The following CDYL variants were observed in gnomAD, a reference collection of about 807,000 sequenced individuals.
The protein encoded by CDYL is chromodomain Y like, also known as chromodomain Y-like protein.
In CDYL, 8 loss-of-function variants were observed where a neutral mutation model predicts 47.3. The observed-to-expected ratio is 0.17, with a 90% CI of 0.10 to 0.31. The LOEUF is 0.31. Ranked by LOEUF, CDYL falls within the 10% of genes least tolerant of loss-of-function variation. The pLI is 1.00. For synonymous variants in CDYL, 266 were observed against 265.0 expected (o/e 1.00, Z -0.04); for missense variants, 471 against 701.4 (o/e 0.67, Z 3.71).
intron 2 of CDYL, among the ~76,000 whole-genome samples, chr6:4,919,836 T>C (rs921081783): frequency 1.3e-5 from 2 of 152,212 alleles, no homozygotes; most frequent in Admixed American, 1.3e-4. Flanking sequence ...AATGACCACA[T>C]GATGCAGCGG....
At chr6:4,905,479 G>A (rs1357994226) in intron 2 of CDYL, among the ~76,000 whole-genome samples, 3 of 152,210 alleles carry the variant, frequency 2.0e-5, no homozygotes, top group Non-Finnish European at 1.5e-5. Flanking sequence ...CGTCTTTTCT[G>A]AAGTGGCATG....
chr6:4,775,650 G>A (rs1329750465), upstream of CDYL, among the ~76,000 whole-genome samples: 1 of 150,512 alleles, frequency 6.6e-6, no homozygotes, highest in Non-Finnish European at 1.5e-5. This position sits in a 1 kb window ranked among gnomAD's most constrained non-coding sequence, Gnocchi z 7.0. Context: ...CGCCGCGCCC[G>A]GCTCCCGCCC....
chr6:4,789,402 C>G (rs774063935), intron 1 of CDYL, among the ~76,000 whole-genome samples: 15 of 152,266 alleles, frequency 9.9e-5, no homozygotes, highest in Non-Finnish European at 1.8e-4. Flanking sequence ...CGCTTCTCTC[C>G]CCTAGTGGTG....
chr6:4,772,942 G>A, upstream of CDYL: 1 of 361,418 alleles, frequency 2.8e-6, no homozygotes, highest in South Asian at 2.1e-5. Flanking sequence ...TTCAAATGTA[G>A]ATGAAATGCA....
At chr6:4,931,045 A>G (rs1184190398) in intron 2 of CDYL, among the ~76,000 whole-genome samples, 1 of 152,166 alleles carries the variant, frequency 6.6e-6, no homozygotes, top group Non-Finnish European at 1.5e-5. Context: ...GGAGCTTACC[A>G]TCCCTGGCTT....
chr6:4,928,089 A>G (rs965627747), intron 2 of CDYL, among the ~76,000 whole-genome samples: 1 of 152,222 alleles, frequency 6.6e-6, no homozygotes, highest in Non-Finnish European at 1.5e-5. Context: ...CTAGTTAGGC[A>G]TATTTCACTC....
chr6:4,952,226 C>G, intron 5 of CDYL, 40 bp from the exon 6 acceptor site: 1 of 1,597,050 alleles, frequency 6.3e-7, no homozygotes, highest in Non-Finnish European at 8.6e-7. Flanking sequence ...CGCCCGCCTC[C>G]CACCGCAATT....
chr6:4,842,040 A>T (rs1291170369), intron 1 of CDYL, among the ~76,000 whole-genome samples: 2 of 144,690 alleles, frequency 1.4e-5, no homozygotes, highest in African/African-American at 5.0e-5. Context: ...TATATAATTT[A>T]TATATATTAT....
At chr6:4,829,689 G>T (rs905753347) in intron 1 of CDYL, among the ~76,000 whole-genome samples, 4 of 152,144 alleles carry the variant, frequency 2.6e-5, no homozygotes, top group African/African-American at 9.7e-5. Context: ...GTGTTTGTGG[G>T]TGTTAGTTTG....
Position 4,932,935 on chromosome 6 carries a change from C to T in CDYL, c.692-2580C>T, listed in dbSNP as rs74407430. 1.3e-4 allele frequency among the ~76,000 whole-genome samples: 20 copies of T among 152,282 alleles called. No homozygotes were observed. The East Asian group carries it at 2.7e-3, about 21-fold the overall frequency. On this transcript the variant is annotated intron_variant, in intron 2 of 6. Coordinates refer to ENST00000397588, the MANE Select transcript of CDYL (RefSeq NM_004824.4). ...CCTGTGGTCTGGCTTCCACTCTTCA[C>T]GCCATAGTGAAGCATTGCCCATGCT... is the stretch of plus-strand genomic sequence containing the variant.
intron 2 of CDYL, among the ~76,000 whole-genome samples, chr6:4,732,672 AAG>A (rs1491270944): frequency 5.2e-4 from 76 of 145,510 alleles, no homozygotes; most frequent in African/African-American, 1.3e-3. Flanking sequence ...TTTAAAAAAA[AAG>A]AGGGGGGGAT....
At chr6:4,880,018 C>A (rs1350659386) in intron 1 of CDYL, among the ~76,000 whole-genome samples, 1 of 152,214 alleles carries the variant, frequency 6.6e-6, no homozygotes, top group Admixed American at 6.5e-5. Context: ...ACAGCTGTTA[C>A]ACTTGATGCA....
intron 2 of CDYL, among the ~76,000 whole-genome samples, chr6:4,908,328 G>A (rs1757301331): frequency 6.6e-6 from 1 of 152,158 alleles, no homozygotes; most frequent in African/African-American, 2.4e-5. Flanking sequence ...GATGATCAGA[G>A]GGTGCGAGCA....
intron 3 of CDYL, among the ~76,000 whole-genome samples, chr6:4,763,025 GT>G (rs1176548273): frequency 1.3e-5 from 2 of 152,006 alleles, no homozygotes; most frequent in African/African-American, 4.8e-5. Flanking sequence ...AGAGAAAATG[GT>G]AAAAATAGCA....
chr6:4,773,466 G>A (rs1257471401), upstream of CDYL, among the ~76,000 whole-genome samples: 1 of 152,042 alleles, frequency 6.6e-6, no homozygotes, highest in Non-Finnish European at 1.5e-5. This position sits in a 1 kb window ranked among gnomAD's most constrained non-coding sequence, Gnocchi z 4.6. Flanking sequence ...AAATAATCTT[G>A]GGCATATTTA....
chr6:4,829,809 G>C (rs939995377), intron 1 of CDYL, among the ~76,000 whole-genome samples: 2 of 152,210 alleles, frequency 1.3e-5, no homozygotes, highest in Admixed American at 1.3e-4. Flanking sequence ...AATTATTTGT[G>C]AATAAGGTTG....
At chr6:4,784,511 C>G (rs1189232524) in intron 1 of CDYL, among the ~76,000 whole-genome samples, 3 of 152,098 alleles carry the variant, frequency 2.0e-5, no homozygotes, top group Non-Finnish European at 4.4e-5. Flanking sequence ...ATTGAAAATG[C>G]AAAACAGTAG....
At chr6:4,769,858 G>A (rs1165864195) in intron 3 of CDYL, among the ~76,000 whole-genome samples, 4 of 152,076 alleles carry the variant, frequency 2.6e-5, no homozygotes, top group Non-Finnish European at 4.4e-5. Flanking sequence ...GTGCAGTGGC[G>A]CGATCTCGGC....
chr6:4,922,795 G>A (rs772783138), intron 2 of CDYL, among the ~76,000 whole-genome samples: 19 of 152,098 alleles, frequency 1.2e-4, no homozygotes, highest in Non-Finnish European at 2.5e-4. Context: ...TTTGGGCCTC[G>A]AATGTGCAAC....
Sources: allele counts gnomAD v4.1 joint callset (sites outside exome capture counted in the v4.1 genomes callset), GRCh38; gene constraint gnomAD v4.1.1; non-coding constraint Gnocchi (gnomAD v3.1); transcripts MANE v1.5; gene names NCBI Gene and HGNC (gene_info 2026-07-23, HGNC 2026-07-21).